The following PKHD1 variants were observed in gnomAD, a reference collection of about 807,000 sequenced individuals.
The protein encoded by PKHD1 is PKHD1 ciliary IPT domain containing fibrocystin/polyductin, also known as fibrocystin.
In PKHD1, 291 loss-of-function variants were observed where a neutral mutation model predicts 412.0. The ratio of observed to expected loss-of-function variants is 0.71; its 90% CI spans 0.64 to 0.78. The LOEUF (loss-of-function observed/expected upper bound fraction) is 0.78, where lower values mean the gene tolerates loss of function less well. PKHD1 is among the 30% of genes least tolerant of loss of function. PKHD1 has a pLI of 0.00. For missense variants in PKHD1, 4,825 were observed against 4,950.7 expected, an observed-to-expected ratio of 0.97 and a Z score of 0.76; for synonymous variants, 1,777 against 1,821.5, an observed-to-expected ratio of 0.98 and a Z score of 0.62.
chr6:51,891,042 G>A (rs1328161661), intron 43 of PKHD1, among the ~76,000 whole-genome samples: 1 of 152,162 alleles, frequency 6.6e-6, no homozygotes, highest in African/African-American at 2.4e-5. Context: ...CAAGGACAGG[G>A]TCTTGCACTA....
At chr6:51,954,557 G>T (rs1201146444) in intron 36 of PKHD1, among the ~76,000 whole-genome samples, 1 of 152,068 alleles carries the variant, frequency 6.6e-6, no homozygotes, top group Non-Finnish European at 1.5e-5. Flanking sequence ...TCAGACACAA[G>T]CACTGGCATT....
At chr6:51,794,917 C>T (rs1023101420) in intron 52 of PKHD1, among the ~76,000 whole-genome samples, 2 of 151,934 alleles carry the variant, frequency 1.3e-5, no homozygotes, top group African/African-American at 4.8e-5. Flanking sequence ...TTTGGTTATG[C>T]TGTTTGGTTA....
At chr6:51,631,286 A>G (rs1366051298) in intron 65 of PKHD1, among the ~76,000 whole-genome samples, 1 of 152,202 alleles carries the variant, frequency 6.6e-6, no homozygotes, top group Admixed American at 6.5e-5. Context: ...AAAACTGCAA[A>G]TCACAGCAAC....
chr6:52,010,223 G>T, intron 35 of PKHD1, 86 bp downstream of exon 35: 1 of 1,173,376 alleles, frequency 8.5e-7, no homozygotes, highest in Non-Finnish European at 1.3e-6. Context: ...GCTGCCATTT[G>T]GACTAAATTG....
chr6:51,988,436 A>G (rs1796471059), intron 35 of PKHD1, among the ~76,000 whole-genome samples: 1 of 152,224 alleles, frequency 6.6e-6, no homozygotes, highest in South Asian at 2.1e-4. Flanking sequence ...CAAAAAACAC[A>G]TACTACATAT....
Position 52,026,064 on chromosome 6 carries a change from C to A in PKHD1, c.3746G>T (p.Cys1249Phe). ...IVNLTEASIW[C>F]ETLPAPQIPD... is the part of the protein sequence containing the mutation. Reference sequence around the variant, plus strand: ...TATCTGGGGGGCTGGCAGGGTTTCACACCAGATGCTCGCCTCCGTTAAGTT... The same window carrying A: ...TATCTGGGGGGCTGGCAGGGTTTCAAACCAGATGCTCGCCTCCGTTAAGTT... The change falls in exon 32 of 67, where the codon TGT (cysteine) becomes TTT (phenylalanine). Residue 1249 changes from cysteine to phenylalanine, a missense_variant. By Grantham distance (205) the Cys-to-Phe change is radical. Transcript: ENST00000371117. 6.2e-7 allele frequency: 1 copy of A among 1,614,148 alleles called. No homozygotes were observed. Among genetic ancestry groups the A allele is most frequent in the South Asian group, 1.1e-5 (1 of 91,078 alleles).
At chr6:52,052,267 C>T (rs1806973569) in intron 21 of PKHD1, among the ~76,000 whole-genome samples, 1 of 152,196 alleles carries the variant, frequency 6.6e-6, no homozygotes, top group African/African-American at 2.4e-5. Context: ...ACACTGAGGG[C>T]AAACTGCACC....
intron 37 of PKHD1, among the ~76,000 whole-genome samples, chr6:51,931,056 T>C (rs1786494019): frequency 6.6e-6 from 1 of 152,216 alleles, no homozygotes; most frequent in Non-Finnish European, 1.5e-5. Context: ...TGTGTTTTTC[T>C]GATTTTTTAG....
At chr6:51,683,564 G>A (rs1019560870) in intron 60 of PKHD1, among the ~76,000 whole-genome samples, 1 of 152,016 alleles carries the variant, frequency 6.6e-6, no homozygotes, top group African/African-American at 2.4e-5. Context: ...TGTGTACTAT[G>A]GTCTGCATAT....
At chr6:51,900,290 C>G (rs1781017112) in intron 43 of PKHD1, among the ~76,000 whole-genome samples, 2 of 152,166 alleles carry the variant, frequency 1.3e-5, no homozygotes, top group Admixed American at 6.5e-5. Flanking sequence ...GCTACAGTAA[C>G]CAAAACAGCA....
chr6:51,739,090 A>T, intron 60 of PKHD1, among the ~76,000 whole-genome samples: 1 of 147,020 alleles, frequency 6.8e-6, no homozygotes, highest in Non-Finnish European at 1.5e-5. Context: ...ATATATTTTA[A>T]TATGTATTTT....
Position 51,912,403 on chromosome 6 carries a change from C to T in PKHD1, c.6295G>A (p.Val2099Met). 1 of 1,612,958 alleles carries T rather than the reference C, an allele frequency of 6.2e-7. No individual in the cohort carries two copies. The highest frequency in any genetic ancestry group is 8.5e-7 in the Non-Finnish European group (1 of 1,179,126). The change falls in exon 38 of 67, where the codon GTG (valine) becomes ATG (methionine). Residue 2099 changes from valine to methionine, a missense_variant. Val to Met is a conservative substitution (Grantham distance 21). Coordinates refer to ENST00000371117, the MANE Select transcript of PKHD1 (RefSeq NM_138694.4). ...TTAAGATAGAGGTCTGTATCCTGCA[C>T]AGTTTCCACAGTGACAATCTCTTCC... Reference protein sequence around the residue: ...PMEEIVTVETVQDTDLYLKSP... With the variant: ...PMEEIVTVETMQDTDLYLKSP...
chr6:51,909,530 C>G, intron 39 of PKHD1, 56 bp from the exon 40 acceptor site: 1 of 1,345,536 alleles, frequency 7.4e-7, no homozygotes, highest in Non-Finnish European at 1.1e-6. Context: ...TGCTTCCAGA[C>G]AAATCTCCCA....
At chr6:52,078,637 T>G (rs1164185641) in intron 5 of PKHD1, among the ~76,000 whole-genome samples, 2 of 152,234 alleles carry the variant, frequency 1.3e-5, no homozygotes, top group African/African-American at 4.8e-5. Flanking sequence ...GTTGAACCAC[T>G]GACGGACTTG....
chr6:51,855,745 C>T (rs1773186135), intron 49 of PKHD1, 148 bp downstream of exon 49: 1 of 704,562 alleles, frequency 1.4e-6, no homozygotes, highest in Non-Finnish European at 2.5e-6. Flanking sequence ...GGCCAAAATA[C>T]TATTGAAGTT....
At chr6:51,848,328 T>C (rs1170895920) in intron 49 of PKHD1, among the ~76,000 whole-genome samples, 1 of 151,788 alleles carries the variant, frequency 6.6e-6, no homozygotes, top group Non-Finnish European at 1.5e-5. Context: ...CTAGAATTCC[T>C]TTCCAGCTTT....
At chr6:51,766,472 T>C (rs1562263706) in intron 55 of PKHD1, among the ~76,000 whole-genome samples, 1 of 152,134 alleles carries the variant, frequency 6.6e-6, no homozygotes, top group Non-Finnish European at 1.5e-5. Flanking sequence ...AATTAAAATT[T>C]AAAAATGGTA....
intron 55 of PKHD1, among the ~76,000 whole-genome samples, chr6:51,760,251 A>G (rs1787769991): frequency 6.6e-6 from 1 of 152,134 alleles, no homozygotes; most frequent in Non-Finnish European, 1.5e-5. Flanking sequence ...ATTTCTAGAA[A>G]ATACACATCA....
chr6:51,793,320 T>G (rs1794058119), intron 52 of PKHD1, among the ~76,000 whole-genome samples: 1 of 152,168 alleles, frequency 6.6e-6, no homozygotes, highest in African/African-American at 2.4e-5. Context: ...AACAAGAGGG[T>G]TTTGCCTCCA....
Sources: allele counts gnomAD v4.1 joint callset (sites outside exome capture counted in the v4.1 genomes callset), GRCh38; gene constraint gnomAD v4.1.1; transcripts MANE v1.5; gene names NCBI Gene and HGNC (gene_info 2026-07-23, HGNC 2026-07-21).